Variants in SYT1 observed in about 807,000 individuals in gnomAD.
SYT1 encodes the protein synaptotagmin-1.
A neutral mutation model predicts 44.8 loss-of-function variants in SYT1; 8 were observed. That is an observed-to-expected ratio of 0.18 (90% CI 0.10 to 0.32). The LOEUF is 0.32. Among genes scored for constraint, SYT1 ranks in the 10% least tolerant of loss-of-function variants. The pLI is 1.00. For synonymous variants in SYT1, 154 were observed against 188.8 expected (o/e 0.82, Z 1.51); for missense variants, 286 against 509.3 (o/e 0.56, Z 4.22).
At chr12:79,254,427 T>C (rs773342628) in intron 4 of SYT1, among the ~76,000 whole-genome samples, 10 of 152,216 alleles carry the variant, frequency 6.6e-5, no homozygotes, top group Non-Finnish European at 1.0e-4. Flanking sequence ...ATTTTCAAAA[T>C]ATTACTGCCC....
chr12:79,157,189 C>T (rs551724123), intron 3 of SYT1, among the ~76,000 whole-genome samples: 2 of 152,178 alleles, frequency 1.3e-5, no homozygotes, highest in African/African-American at 2.4e-5. Context: ...AAGCTTGTCA[C>T]GCAAGACAAA....
intron 9 of SYT1, among the ~76,000 whole-genome samples, chr12:79,395,293 A>G (rs1262184121): frequency 6.6e-6 from 1 of 152,090 alleles, no homozygotes; most frequent in East Asian, 1.9e-4. Context: ...ATCTCAGCTC[A>G]CTGCAACCTC....
At chr12:79,085,967 A>G (rs1257265778) in intron 3 of SYT1, among the ~76,000 whole-genome samples, 1 of 152,150 alleles carries the variant, frequency 6.6e-6, no homozygotes, top group Admixed American at 6.6e-5. Flanking sequence ...TGAGGGTCCC[A>G]TAATATGATC....
chr12:79,316,636 G>A lies in SYT1; in HGVS notation c.810+17085G>A, dbSNP rs960775208. 1.4e-4 allele frequency among the ~76,000 whole-genome samples: 22 copies of A among 152,166 alleles called. No homozygotes were observed. The East Asian group carries it at 1.9e-3, about 13-fold the overall frequency. ...TCTTTTCATTCTCACTAGCCTCCAC[G>A]ATGATGCTCAGTACCACCTTGATTC... On this transcript the variant is annotated intron_variant, in intron 8 of 10. Transcript: ENST00000261205.
At chr12:79,014,139 G>GAAAAAAA (rs1170016597) in intron 2 of SYT1, among the ~76,000 whole-genome samples, 3 of 90,372 alleles carry the variant, frequency 3.3e-5, no homozygotes, top group African/African-American at 1.3e-4. Context: ...AAAAAAAAAA[G>GAAAAAAA]AAAAAAAAAA....
chr12:78,877,989 C>T (rs1366852338), intron 1 of SYT1, among the ~76,000 whole-genome samples: 1 of 151,710 alleles, frequency 6.6e-6, no homozygotes, highest in African/African-American at 2.4e-5. Flanking sequence ...ATTTATAATC[C>T]ATTATTTTTA....
chr12:79,104,010 T>A (rs1014014565), intron 3 of SYT1, among the ~76,000 whole-genome samples: 31 of 152,192 alleles, frequency 2.0e-4, no homozygotes, highest in African/African-American at 7.2e-4. Context: ...AGTAAAATTA[T>A]ACTAAAAATA....
At chr12:79,189,919 A>G (rs1873014266) in intron 3 of SYT1, among the ~76,000 whole-genome samples, 1 of 152,118 alleles carries the variant, frequency 6.6e-6, no homozygotes. Flanking sequence ...AATAAATATA[A>G]ATAACTTAAA....
chr12:79,242,199 A>T (rs1876555289), intron 4 of SYT1, among the ~76,000 whole-genome samples: 1 of 152,208 alleles, frequency 6.6e-6, no homozygotes. Context: ...CTGCATGTGG[A>T]TCACCTGGGT....
chr12:79,015,198 A>C (rs1322780669), intron 2 of SYT1, among the ~76,000 whole-genome samples: 2 of 152,038 alleles, frequency 1.3e-5, no homozygotes, highest in Non-Finnish European at 2.9e-5. Flanking sequence ...GTACCCTAAA[A>C]CTTAAAGTAT....
At chr12:79,227,160 A>C (rs1055825501) in intron 4 of SYT1, among the ~76,000 whole-genome samples, 2 of 152,170 alleles carry the variant, frequency 1.3e-5, no homozygotes, top group African/African-American at 4.8e-5. Flanking sequence ...ACAGTCCAGC[A>C]TGAAACATAT....
At chr12:79,289,688 C>T (rs543928683) in intron 5 of SYT1, among the ~76,000 whole-genome samples, 38 of 152,120 alleles carry the variant, frequency 2.5e-4, no homozygotes, top group African/African-American at 8.4e-4. Flanking sequence ...AATAATAGAG[C>T]AACATGCAGA....
chr12:79,161,085 A>C (rs938037911), intron 3 of SYT1, among the ~76,000 whole-genome samples: 1 of 152,000 alleles, frequency 6.6e-6, no homozygotes, highest in Admixed American at 6.6e-5. Context: ...AAAAAACACA[A>C]AAAATATTAG....
At chr12:79,324,920 C>A (rs1465035191) in intron 8 of SYT1, among the ~76,000 whole-genome samples, 1 of 152,196 alleles carries the variant, frequency 6.6e-6, no homozygotes, top group East Asian at 1.9e-4. Context: ...ATGACATAAT[C>A]ATATTAATCC....
intron 3 of SYT1, among the ~76,000 whole-genome samples, chr12:79,146,163 G>T (rs1869899392): frequency 6.6e-6 from 1 of 152,178 alleles, no homozygotes; most frequent in African/African-American, 2.4e-5. Flanking sequence ...TTAATCATGA[G>T]AATGTACAGC....
intron 3 of SYT1, among the ~76,000 whole-genome samples, chr12:79,131,274 A>C (rs2138178041): frequency 6.6e-6 from 1 of 152,216 alleles, no homozygotes; most frequent in East Asian, 1.9e-4. Context: ...TTAATCTATA[A>C]AGTTTTTTTA....
At chr12:78,940,993 AG>A (rs1878317529) in intron 1 of SYT1, among the ~76,000 whole-genome samples, 1 of 150,962 alleles carries the variant, frequency 6.6e-6, no homozygotes, top group African/African-American at 2.4e-5. Flanking sequence ...GAATAACTGC[AG>A]TGAGATACAT....
chr12:78,918,335 C>T (rs925403679), intron 1 of SYT1, among the ~76,000 whole-genome samples: 3 of 151,932 alleles, frequency 2.0e-5, no homozygotes, highest in Admixed American at 2.0e-4. Context: ...GGTTATCTGC[C>T]AAGAAGCTCA....
At chr12:79,140,758 C>T (rs1426554890) in intron 3 of SYT1, among the ~76,000 whole-genome samples, 1 of 152,188 alleles carries the variant, frequency 6.6e-6, no homozygotes, top group Admixed American at 6.5e-5. Context: ...ATACTGCATC[C>T]TGGTTGCACT....
Sources: allele counts gnomAD v4.1 joint callset (sites outside exome capture counted in the v4.1 genomes callset), GRCh38; gene constraint gnomAD v4.1.1; transcripts MANE v1.5; gene names NCBI Gene and HGNC (gene_info 2026-07-23, HGNC 2026-07-21).